Variants in SLC26A9 observed in about 807,000 individuals in gnomAD.
The protein encoded by SLC26A9 is anion transporter/exchanger protein 9.
A neutral mutation model predicts 87.1 loss-of-function variants in SLC26A9; 46 were observed. The ratio of observed to expected loss-of-function variants is 0.53; its 90% CI spans 0.42 to 0.67. The LOEUF (loss-of-function observed/expected upper bound fraction) is 0.67. SLC26A9 is among the 30% of genes least tolerant of loss of function. The pLI is 0.00. For synonymous variants in SLC26A9, 437 were observed against 409.1 expected, an observed-to-expected ratio of 1.07 and a Z score of -0.82; for missense variants, 927 against 1,018.3, an observed-to-expected ratio of 0.91 and a Z score of 1.22.
At chr1:205,923,052 G>C (rs1466375303) in intron 16 of SLC26A9, 30 bp downstream of exon 16, 2 of 1,601,320 alleles carry the variant, frequency 1.2e-6, no homozygotes, top group East Asian at 4.5e-5. Flanking sequence ...AGGAGAGCAG[G>C]GCACGGGGCT....
chr1:205,933,178 T>C (rs1234236655), intron 2 of SLC26A9, 94 bp from the exon 3 acceptor site: 8 of 1,531,980 alleles, frequency 5.2e-6, no homozygotes, highest in Admixed American at 1.8e-5. Context: ...ATTTCATTCA[T>C]TGGTTCATTC....
Position 205,921,581 on chromosome 1 carries a change from G to A in SLC26A9, c.2040C>T (p.Ile680=), listed in dbSNP as rs761429115. 6.2e-7 allele frequency: 1 copy of A among 1,609,666 alleles called. No homozygotes were observed. Among genetic ancestry groups the A allele is most frequent in the South Asian group, 1.1e-5 (1 of 90,756 alleles). The change falls in exon 17 of 21, where the codon ATC becomes ATT. Residue 680 remains isoleucine, a synonymous_variant. Transcript: ENST00000367135. The part of the protein sequence containing the change: ...SGVSFVDLMG[I]KALAKLSSTY... Reference sequence around the variant, plus strand: ...AGGGCCTCACCTTGGCCAGGGCCTTGATGCCCATCAAGTCCACGAAGCTGA... The same window carrying A: ...AGGGCCTCACCTTGGCCAGGGCCTTAATGCCCATCAAGTCCACGAAGCTGA...
chr1:205,932,515 A>G (rs1389140754), intron 4 of SLC26A9, among the ~76,000 whole-genome samples, 187 bp downstream of exon 4: 2 of 152,320 alleles, frequency 1.3e-5, no homozygotes, highest in Non-Finnish European at 1.5e-5. Context: ...CTGAACTCAA[A>G]GAGGCTCAGT....
chr1:205,939,898 CG>C (rs1659666607), intron 1 of SLC26A9, among the ~76,000 whole-genome samples: 1 of 152,186 alleles, frequency 6.6e-6, no homozygotes, highest in Non-Finnish European at 1.5e-5. Context: ...TTGCCAGAGG[CG>C]TGTATCTACA....
chr1:205,933,877 G>A (rs1489101470), intron 2 of SLC26A9, among the ~76,000 whole-genome samples: 2 of 152,254 alleles, frequency 1.3e-5, no homozygotes, highest in Middle Eastern at 3.4e-3. Context: ...ACACCTCAAG[G>A]TCCTTTCATA....
intron 1 of SLC26A9, among the ~76,000 whole-genome samples, chr1:205,939,228 A>C (rs1260732620): frequency 6.6e-6 from 1 of 152,232 alleles, no homozygotes; most frequent in East Asian, 1.9e-4. Context: ...GCAGATAAAG[A>C]AACTGCACTT....
chr1:205,921,452 C>T (rs1456680137), intron 17 of SLC26A9, 114 bp downstream of exon 17: 3 of 1,351,734 alleles, frequency 2.2e-6, no homozygotes, highest in Admixed American at 2.3e-5. Flanking sequence ...TGTTAGTCTC[C>T]CCAGTGAGCT....
chr1:205,930,950 G>C (rs1402834634), intron 5 of SLC26A9, among the ~76,000 whole-genome samples: 1 of 152,104 alleles, frequency 6.6e-6, no homozygotes, highest in Non-Finnish European at 1.5e-5. Context: ...TGTTGACATG[G>C]CTCCTTCCTC....
chr1:205,924,403 G>A lies in SLC26A9; in HGVS notation c.1476C>T (p.Val492=), dbSNP rs777120287. Residue 492 remains valine (V), a synonymous_variant, in exon 13 of 21, where the codon GTC becomes GTT. Transcript: ENST00000367135. ...CTTACAACTGAGTCTGGAAGACCAC[G>A]ACCAGGACGGAGAAGGCGACACCCA... ...VAVGVAFSVL[V]VVFQTQFRNG... The A allele has an allele frequency of 1.7e-5, 28 of 1,614,040 alleles. No homozygotes were observed. The highest frequency in any genetic ancestry group is 2.2e-5 in the East Asian group (1 of 44,884).
chr1:205,929,761 C>G (rs1659230880), intron 6 of SLC26A9, 131 bp downstream of exon 6: 2 of 1,212,788 alleles, frequency 1.6e-6, no homozygotes, highest in African/African-American at 3.0e-5. Flanking sequence ...GAAACCCCCT[C>G]AGAATCCTCT....
At position 205,927,078 on chromosome 1, in the gene SLC26A9, T is replaced by C. The variant is rs1186530898; in HGVS notation, c.1293+133A>G. 3.4e-6 allele frequency: 3 copies of C among 874,682 alleles called. No individual in the cohort carries two copies. The African/African-American group carries it at 5.0e-5, about 15-fold the overall frequency. 54.2% of individuals were successfully genotyped at this position (874,682 alleles called of 1,614,324 possible). ...TGGGGAGGATAAAACCTGCATTGTCTACCTCACAGTTTGTGGTTGAGACTA... is the reference window on the plus strand; with the variant it reads ...TGGGGAGGATAAAACCTGCATTGTCCACCTCACAGTTTGTGGTTGAGACTA... On this transcript the variant is annotated intron_variant, in intron 11 of 20. Coordinates refer to ENST00000367135, the MANE Select transcript of SLC26A9 (RefSeq NM_052934.4).
At chr1:205,939,764 G>A (rs1659660377) in intron 1 of SLC26A9, among the ~76,000 whole-genome samples, 1 of 152,168 alleles carries the variant, frequency 6.6e-6, no homozygotes, top group Non-Finnish European at 1.5e-5. Context: ...GGGCAGGAAA[G>A]TGGAAGAGGG....
In SLC26A9 at chr1:205,914,679, G is replaced by C. The variant is rs139679145; in HGVS notation, c.*678C>G. On this transcript the variant is annotated 3_prime_UTR_variant, in exon 21 of 21. Transcript: ENST00000367135. ...CCGGGGAGGTAGCTCTGGTGGTCTC[G>C]ACGGTCCTGGCCACTGTCCAGGCTA... The C allele has an allele frequency of 3.6e-6, 2 of 559,632 alleles. No individual in the cohort carries two copies. The highest frequency in any genetic ancestry group is 2.8e-5 in the South Asian group (1 of 35,968). 34.7% of individuals were successfully genotyped at this position (559,632 alleles called of 1,614,324 possible). A position where few individuals can be genotyped will look rare whatever the true frequency, so the allele number is the denominator to read the frequency against.
rs34820138 is a variant in SLC26A9 at position 205,931,465 on chromosome 1, GTTTT to G, written c.552+391_552+394del. On this transcript the variant is annotated intron_variant, in intron 5 of 20. Coordinates refer to ENST00000367135, the MANE Select transcript of SLC26A9 (RefSeq NM_052934.4). ...GAGGGAGGAGGTGAGCCCTAACTTG[GTTTT>G]TTTTTTTTTTTTTTTGAGACGGAGT... is the stretch of plus-strand genomic sequence containing the variant. Among the ~76,000 whole-genome samples, 119 of 95,986 alleles carry G rather than the reference GTTTT, an allele frequency of 1.2e-3. 2 individuals carry two copies. Among genetic ancestry groups the G allele is most frequent in the Admixed American group, 1.5e-3 (14 of 9,320 alleles). The allele number at this position is 95,986 out of a possible 152,430, so 63.0% of individuals were successfully genotyped here. A position where few individuals can be genotyped will look rare whatever the true frequency, so the allele number is the denominator to read the frequency against.
At chr1:205,929,173 C>G in intron 7 of SLC26A9, 31 bp downstream of exon 7, 1 of 1,597,612 alleles carries the variant, frequency 6.3e-7, no homozygotes, top group Non-Finnish European at 8.6e-7. Context: ...GCCTGGCCCC[C>G]CAACATCCCA....
rs533847402 is a variant in SLC26A9, at chr1:205,929,958, A to G, written c.651T>C (p.Ile217=). Residue 217 remains isoleucine, a synonymous_variant, in exon 6 of 21, where the codon ATT becomes ATC. Transcript: ENST00000367135. ...FMTAAGLQIL[I]SVLKYIFGLT... ...GTCCGAAGATGTACTTGAGCACCGAAATCAGGATCTGCAGGCCGGCGGCCG... is the reference window on the plus strand; with the variant it reads ...GTCCGAAGATGTACTTGAGCACCGAGATCAGGATCTGCAGGCCGGCGGCCG... The G allele has an allele frequency of 6.8e-6, 11 of 1,613,968 alleles. No homozygotes were observed. In the South Asian group the frequency reaches 1.1e-4, roughly 16 times the overall value.
chr1:205,932,781 A>C lies in SLC26A9; in HGVS notation c.297T>G (p.Pro99=). ...GMAFALLANL[P]AVNGLYSSFF... Reference sequence around the variant, plus strand: ...AGGAGGAGTAGAGGCCATTGACTGCAGGAAGGTTGGCCAGCAGAGCAAATG... The same window carrying C: ...AGGAGGAGTAGAGGCCATTGACTGCCGGAAGGTTGGCCAGCAGAGCAAATG... The change falls in exon 4 of 21, where the codon CCT becomes CCG. Residue 99 remains proline, a synonymous_variant. Transcript: ENST00000367135. 1.9e-6 allele frequency: 3 copies of C among 1,600,346 alleles called. No individual in the cohort carries two copies. Among genetic ancestry groups the C allele is most frequent in the Non-Finnish European group, 2.6e-6 (3 of 1,173,620 alleles).
chr1:205,932,882 G>A (rs1424266562), intron 3 of SLC26A9, 63 bp downstream of exon 3: 2 of 1,606,914 alleles, frequency 1.2e-6, no homozygotes, highest in East Asian at 4.5e-5. Context: ...GGATGGAGTG[G>A]GGATGAGGAG....
intron 16 of SLC26A9, among the ~76,000 whole-genome samples, chr1:205,922,695 G>C (rs903977999): frequency 6.6e-6 from 1 of 152,194 alleles, no homozygotes; most frequent in Non-Finnish European, 1.5e-5. Flanking sequence ...CTGAGGTCAG[G>C]AGTTTGACAC....
Sources: gnomAD v4.1 joint callset for allele counts (sites outside exome capture counted in the v4.1 genomes callset) on GRCh38, gnomAD v4.1.1 for gene constraint, MANE v1.5 for transcripts, NCBI Gene and HGNC (gene_info 2026-07-23, HGNC 2026-07-21) for gene names.